Variants in TENM3 observed in about 807,000 individuals in gnomAD.
TENM3 encodes the protein teneurin transmembrane protein 3.
TENM3 carries 63 observed loss-of-function variants against 255.1 expected under a neutral mutation model. The observed-to-expected ratio is 0.25, with a 90% CI of 0.20 to 0.30. TENM3 has a LOEUF of 0.30. Ranked by LOEUF, TENM3 falls within the 10% of genes least tolerant of loss-of-function variation. TENM3 has a pLI of 1.00. For missense variants in TENM3, 2,929 were observed against 3,461.1 expected, an observed-to-expected ratio of 0.85 and a Z score of 3.86; for synonymous variants, 1,306 against 1,322.3, an observed-to-expected ratio of 0.99 and a Z score of 0.27.
the TENM3 span, among the ~76,000 whole-genome samples, chr4:181,649,320 C>T: frequency 6.6e-6 from 1 of 152,176 alleles, no homozygotes; most frequent in African/African-American, 2.4e-5. Context: ...CTCTCTCACC[C>T]GTCCATCAAT....
intron 6 of TENM3, among the ~76,000 whole-genome samples, chr4:182,670,550 A>G (rs1170308378): frequency 2.0e-5 from 3 of 152,154 alleles, no homozygotes. Context: ...TTTCACCTCT[A>G]GCCCGCTCAG....
chr4:182,090,301 T>C, the TENM3 span, among the ~76,000 whole-genome samples: 9 of 152,250 alleles, frequency 5.9e-5, no homozygotes, highest in Admixed American at 5.9e-4. Context: ...GCAATCATGT[T>C]TGGCGACAGA....
At chr4:182,727,158 A>G (rs1760263802) in intron 13 of TENM3, among the ~76,000 whole-genome samples, 1 of 152,138 alleles carries the variant, frequency 6.6e-6, no homozygotes, top group South Asian at 2.1e-4. Flanking sequence ...CCAAGGAGAT[A>G]AAAATTCATG....
the TENM3 span, among the ~76,000 whole-genome samples, chr4:182,028,132 G>A: frequency 5.9e-5 from 9 of 152,012 alleles, no homozygotes; most frequent in East Asian, 1.9e-4. Context: ...TTTTTATCAC[G>A]GCTTTGATCT....
At chr4:181,959,464 A>G in the TENM3 span, among the ~76,000 whole-genome samples, 3 of 152,214 alleles carry the variant, frequency 2.0e-5, no homozygotes, top group Admixed American at 6.5e-5. Flanking sequence ...GAGCAAATGA[A>G]GAAAAGAGTA....
the TENM3 span, among the ~76,000 whole-genome samples, chr4:181,930,589 C>A: frequency 2.6e-5 from 4 of 152,074 alleles, no homozygotes; most frequent in African/African-American, 9.7e-5. Context: ...ACCAGAGGTA[C>A]AAAGAGGAGC....
the TENM3 span, among the ~76,000 whole-genome samples, chr4:181,653,302 G>A: frequency 6.6e-6 from 1 of 152,228 alleles, no homozygotes; most frequent in Non-Finnish European, 1.5e-5. Context: ...CAGGATCGAA[G>A]AATCTGCGTT....
At chr4:182,512,038 C>T (rs1007731176) in intron 3 of TENM3, among the ~76,000 whole-genome samples, 3 of 152,180 alleles carry the variant, frequency 2.0e-5, no homozygotes, top group African/African-American at 7.2e-5. Flanking sequence ...CAGACATTCT[C>T]ATCAAAGGCA....
At position 182,195,472 on chromosome 4, in the gene TENM3, C is replaced by A. The variant is rs567731309; in HGVS notation, c.-76+50718C>A. Among the ~76,000 whole-genome samples the A allele has an allele frequency of 5.3e-5, 8 of 152,096 alleles. No homozygotes were observed. In the South Asian group the frequency reaches 1.7e-3, roughly 32 times the overall value. On this transcript the variant is annotated intron_variant, in intron 1 of 2. Transcript: ENST00000512480. ...TAGGCAACATAGCAAGAGCTCGCCT[C>A]TACAAAAAATAGAAAAAATTAGCTG...
At chr4:182,158,329 T>A (rs1449512733) in intron 1 of TENM3, among the ~76,000 whole-genome samples, 5 of 152,178 alleles carry the variant, frequency 3.3e-5, no homozygotes, top group Non-Finnish European at 1.5e-5. Flanking sequence ...ACAAAACAAG[T>A]CTGCAGCCTG....
intron 1 of TENM3, among the ~76,000 whole-genome samples, chr4:182,237,174 C>T (rs1260493625): frequency 1.3e-5 from 2 of 152,192 alleles, no homozygotes; most frequent in Admixed American, 6.5e-5. Context: ...CTGCAAAGGA[C>T]ATGATCTCGT....
At chr4:182,518,231 G>T (rs1738202260) in intron 3 of TENM3, among the ~76,000 whole-genome samples, 1 of 152,124 alleles carries the variant, frequency 6.6e-6, no homozygotes, top group Non-Finnish European at 1.5e-5. Context: ...ATAATAGAAG[G>T]TGACTGTGAT....
chr4:181,453,677 A>C, the TENM3 span, among the ~76,000 whole-genome samples: 1 of 152,192 alleles, frequency 6.6e-6, no homozygotes. Flanking sequence ...ACCAGCATGC[A>C]AAGCAGGGAT....
chr4:182,073,258 C>T, the TENM3 span, among the ~76,000 whole-genome samples: 1 of 152,164 alleles, frequency 6.6e-6, no homozygotes, highest in Non-Finnish European at 1.5e-5. Context: ...AGAACTCACT[C>T]ACTATCATGA....
chr4:181,889,912 A>T, the TENM3 span, among the ~76,000 whole-genome samples: 1 of 152,220 alleles, frequency 6.6e-6, no homozygotes, highest in East Asian at 1.9e-4. Flanking sequence ...ACTAGCTCTT[A>T]ATGAATGATA....
the TENM3 span, among the ~76,000 whole-genome samples, chr4:181,970,442 A>G: frequency 6.6e-6 from 1 of 152,082 alleles, no homozygotes; most frequent in Admixed American, 6.6e-5. Context: ...AAGATAAAAG[A>G]AAAAAAATAC....
the TENM3 span, among the ~76,000 whole-genome samples, chr4:181,455,455 T>C: frequency 6.6e-6 from 1 of 152,152 alleles, no homozygotes; most frequent in Admixed American, 6.6e-5. Context: ...CAAAGGTTTA[T>C]AAAACATGAA....
chr4:181,787,906 C>T, the TENM3 span, among the ~76,000 whole-genome samples: 1 of 152,048 alleles, frequency 6.6e-6, no homozygotes, highest in African/African-American at 2.4e-5. Context: ...GAGACTGAGG[C>T]GGAACTTGAG....
rs532393085 is a variant in TENM3 at position 182,447,489 on chromosome 4, CTGT to C, written c.511+100569_511+100571del. ...TATGTTCAAGAAGATAAGGAAATTACTGTTGTTGTTGAATCATGGGAATGAGGA... is the reference window on the plus strand; with the variant it reads ...TATGTTCAAGAAGATAAGGAAATTACTGTTGTTGAATCATGGGAATGAGGA... On this transcript the variant is annotated intron_variant, in intron 3 of 27. Transcript: ENST00000511685. Among the ~76,000 whole-genome samples the C allele has an allele frequency of 4.2e-4, 64 of 152,258 alleles. 1 individual carries two copies. In the South Asian group the frequency reaches 8.5e-3, roughly 20 times the overall value.
Sources: allele counts gnomAD v4.1 joint callset (sites outside exome capture counted in the v4.1 genomes callset), GRCh38; gene constraint gnomAD v4.1.1; transcripts MANE v1.5; gene names NCBI Gene and HGNC (gene_info 2026-07-23, HGNC 2026-07-21).